Variants in SH2B1 observed in about 807,000 individuals in gnomAD.
The protein encoded by SH2B1 is SH2B adaptor protein 1, also known as SH2B adapter protein 1.
In SH2B1, 15 loss-of-function variants were observed where a neutral mutation model predicts 62.6. The ratio of observed to expected loss-of-function variants is 0.24; its 90% CI spans 0.16 to 0.37. SH2B1 has a LOEUF of 0.37. Among genes scored for constraint, SH2B1 ranks in the 10% least tolerant of loss-of-function variants. SH2B1 has a pLI of 1.00. For synonymous variants in SH2B1, 443 were observed against 438.0 expected, an observed-to-expected ratio of 1.01 and a Z score of -0.14; for missense variants, 925 against 1,015.6, an observed-to-expected ratio of 0.91 and a Z score of 1.21.
Position 28,873,976 on chromosome 16 carries a change from G to A in SH2B1, c.*156G>A, listed in dbSNP as rs1963194458. 2 of 693,344 alleles carry A rather than the reference G, an allele frequency of 2.9e-6. No homozygotes were observed. Among genetic ancestry groups the A allele is most frequent in the Non-Finnish European group, 4.1e-6 (2 of 483,192 alleles). 42.9% of individuals were successfully genotyped at this position (693,344 alleles called of 1,614,324 possible). A position where few individuals can be genotyped will look rare whatever the true frequency, so the allele number is the denominator to read the frequency against. On this transcript the variant is annotated 3_prime_UTR_variant, in exon 8 of 8. Coordinates refer to ENST00000684370, the MANE Select transcript of SH2B1 (RefSeq NM_001387430.1). The surrounding 1 kb of genome is among the most constrained non-coding windows in gnomAD (Gnocchi z 4.2). Reference sequence around the variant, plus strand: ...TGGTACAAGCAGAGGCTCGGGAGAGGCTCCCGTCACACACTACAGGTCCCC... The same window carrying A: ...TGGTACAAGCAGAGGCTCGGGAGAGACTCCCGTCACACACTACAGGTCCCC...
At position 28,872,231 on chromosome 16, in the gene SH2B1, G is replaced by T. The variant is rs764841067; in HGVS notation, c.1555G>T (p.Asp519Tyr). ...GGGGGAGCCAGAGGGCGGTGAGGGG[G>T]ACCAGCCCCTCTCAGGGTATCCTTG... ...FQGEPEGGEG[D>Y]QPLSGYPWFH... Residue 519 changes from aspartate to tyrosine, a missense_variant, in exon 6 of 8, where the codon GAC becomes TAC. Transcript: ENST00000684370. The surrounding 1 kb of genome is among the most constrained non-coding windows in gnomAD (Gnocchi z 5.3). 3 of 1,613,784 alleles carry T rather than the reference G, an allele frequency of 1.9e-6. No homozygotes were observed. In the African/African-American group the frequency reaches 4.0e-5, roughly 22 times the overall value.
At chr16:28,850,703 C>CA (rs1962075844) in intron 1 of SH2B1, among the ~76,000 whole-genome samples, 1 of 150,982 alleles carries the variant, frequency 6.6e-6, no homozygotes, top group African/African-American at 2.4e-5. Flanking sequence ...ACTAAAAATA[C>CA]AAAAAATTAG....
Position 28,873,691 on chromosome 16 carries a change from C to T in SH2B1, c.2142C>T (p.Ala714=). Residue 714 remains alanine, a synonymous_variant, in exon 8 of 8, where the codon GCC becomes GCT. Coordinates refer to ENST00000684370, the MANE Select transcript of SH2B1 (RefSeq NM_001387430.1). This position sits in a 1 kb window ranked among gnomAD's most constrained non-coding sequence, Gnocchi z 4.2. The stretch of plus-strand genomic sequence containing the variant: ...AGGCCATAGCCCCAGGCTCAGAGGC[C>T]CAGGGCGCTGGGTCTGGTGGGGACG... ...LEEAIAPGSE[A]QGAGSGGDAG... is the part of the protein sequence containing the mutation. 1 of 1,517,116 alleles carries T rather than the reference C, an allele frequency of 6.6e-7. No individual in the cohort carries two copies. Among genetic ancestry groups the T allele is most frequent in the Non-Finnish European group, 8.9e-7 (1 of 1,129,696 alleles). The allele number at this position is 1,517,116 out of a possible 1,614,324, so 94.0% of individuals were successfully genotyped here.
chr16:28,873,069 G>C lies in SH2B1; in HGVS notation c.1897+364G>C. 1 of 832,048 alleles carries C rather than the reference G, an allele frequency of 1.2e-6. No homozygotes were observed. Among genetic ancestry groups the C allele is most frequent in the Non-Finnish European group, 1.8e-6 (1 of 542,432 alleles). 51.5% of individuals were successfully genotyped at this position (832,048 alleles called of 1,614,324 possible). A position where few individuals can be genotyped will look rare whatever the true frequency, so the allele number is the denominator to read the frequency against. ...TGCCCTTCCCGGGGACACTCGGTCTGATCCCCTTCCCTCCTCCCTCAATGT... is the reference window on the plus strand; with the variant it reads ...TGCCCTTCCCGGGGACACTCGGTCTCATCCCCTTCCCTCCTCCCTCAATGT... On this transcript the variant is annotated intron_variant, in intron 7 of 7. Transcript: ENST00000684370. This position sits in a 1 kb window ranked among gnomAD's most constrained non-coding sequence, Gnocchi z 4.2.
upstream of SH2B1, chr16:28,862,652 G>A (rs1256927352): frequency 2.5e-5 from 3 of 120,102 alleles, no homozygotes; most frequent in African/African-American, 9.6e-5. Context: ...GTCTAGCTCT[G>A]TTGCCCGCGC....
intron 1 of SH2B1, among the ~76,000 whole-genome samples, chr16:28,857,280 C>CAA (rs35671502): frequency 9.2e-6 from 1 of 108,556 alleles, no homozygotes; most frequent in Non-Finnish European, 1.9e-5. Flanking sequence ...GACTCTGTCT[C>CAA]AAAAAAAAAA....
intron 1 of SH2B1, among the ~76,000 whole-genome samples, chr16:28,851,460 T>C (rs1162765926): frequency 1.7e-5 from 1 of 59,456 alleles, no homozygotes; most frequent in Non-Finnish European, 4.6e-5. Flanking sequence ...GCCTTTCTTC[T>C]TTTTTTTTTT....
chr16:28,854,898 CAG>C (rs1234485162), intron 1 of SH2B1, among the ~76,000 whole-genome samples: 1 of 152,182 alleles, frequency 6.6e-6, no homozygotes, highest in East Asian at 1.9e-4. Flanking sequence ...TGTTTTGAGA[CAG>C]AGTCTCGTTC....
Position 28,872,472 on chromosome 16 carries a change from G to A in SH2B1, c.1726-62G>A. 1 of 1,574,594 alleles carries A rather than the reference G, an allele frequency of 6.4e-7. No individual in the cohort carries two copies. The highest frequency in any genetic ancestry group is 1.2e-5 in the South Asian group (1 of 84,110). On this transcript the variant is annotated intron_variant, in intron 6 of 7. Coordinates refer to ENST00000684370, the MANE Select transcript of SH2B1 (RefSeq NM_001387430.1). This position sits in a 1 kb window ranked among gnomAD's most constrained non-coding sequence, Gnocchi z 5.3. Reference sequence around the variant, plus strand: ...GTGGGGTGGGGGAGCACTGCCGGGGGAGGGGGTTTGTACCTGGCAGGGCCT... The same window carrying A: ...GTGGGGTGGGGGAGCACTGCCGGGGAAGGGGGTTTGTACCTGGCAGGGCCT...
rs887796961 is a variant in SH2B1, at chr16:28,867,492, C to G, written c.1041+60C>G. On this transcript the variant is annotated intron_variant, in intron 2 of 7. Coordinates refer to ENST00000684370, the MANE Select transcript of SH2B1 (RefSeq NM_001387430.1). ...TGTGTTAAGGAGAAAGCCCTCAGCG[C>G]ATTTAAGCAAGTGGCGTCGCCGAAA... The G allele has an allele frequency of 2.3e-6, 3 of 1,326,954 alleles. No individual in the cohort carries two copies. In the East Asian group the frequency reaches 6.9e-5, roughly 30 times the overall value. The allele number at this position is 1,326,954 out of a possible 1,614,324, so 82.2% of individuals were successfully genotyped here. A position where few individuals can be genotyped will look rare whatever the true frequency, so the allele number is the denominator to read the frequency against.
intron 1 of SH2B1, among the ~76,000 whole-genome samples, chr16:28,852,277 TATATATATTTAC>T (rs1567458146): frequency 9.5e-5 from 5 of 52,586 alleles, no homozygotes; most frequent in Admixed American, 3.3e-4. Flanking sequence ...TATATTTACA[TATATATATTTAC>T]ATATATATAT....
intron 1 of SH2B1, among the ~76,000 whole-genome samples, chr16:28,847,437 T>C (rs538109887): frequency 1.3e-3 from 196 of 152,230 alleles, no homozygotes; most frequent in African/African-American, 4.5e-3. Context: ...TTCAAATAGA[T>C]TCCCTAATTC....
upstream of SH2B1, among the ~76,000 whole-genome samples, chr16:28,859,824 T>C (rs1486428492): frequency 6.6e-6 from 1 of 151,650 alleles, no homozygotes; most frequent in Non-Finnish European, 1.5e-5. Context: ...CAGCCATGCC[T>C]GAAGTCATCC....
At position 28,866,528 on chromosome 16, in the gene SH2B1, C is replaced by G; in HGVS notation, c.434C>G (p.Ser145Cys). The G allele has an allele frequency of 6.2e-7, 1 of 1,614,088 alleles. No individual in the cohort carries two copies. Among genetic ancestry groups the G allele is most frequent in the Non-Finnish European group, 8.5e-7 (1 of 1,180,014 alleles). Residue 145 changes from serine to cysteine, a missense_variant, in exon 1 of 8, where the codon TCC (serine) becomes TGC (cysteine). Ser to Cys is a moderately radical substitution (Grantham distance 112). Around this residue, in one of 3 missense-constraint regions of SH2B1, gnomAD observed 683 missense variants for 704.0 expected, o/e 0.97. Transcript: ENST00000684370. The surrounding 1 kb of genome is among the most constrained non-coding windows in gnomAD (Gnocchi z 6.3). ...SSVSSSSTTS[S>C]KPKLKKRFSL... The stretch of plus-strand genomic sequence containing the variant: ...GTCTCTTCCTCCTCTACAACCTCCT[C>G]CAAGCCGAAGCTCAAGAAGCGCTTT...
rs1163449719 is a variant in SH2B1, at chr16:28,869,015, C to T, written c.1051C>T (p.Pro351Ser). The change falls in exon 3 of 8, where the codon CCA becomes TCA. Residue 351 changes from proline to serine, a missense_variant. Around this residue, in one of 3 missense-constraint regions of SH2B1, gnomAD observed 683 missense variants for 704.0 expected, o/e 0.97. Coordinates refer to ENST00000684370, the MANE Select transcript of SH2B1 (RefSeq NM_001387430.1). ...ENTFVVKVEGPSEYIMETVDA... is the reference protein window; with the variant it reads ...ENTFVVKVEGSSEYIMETVDA... ...CGTCTCATCTCTGTAGGTGGAAGGT[C>T]CATCCGAGTATATCATGGAGACAGT... is the stretch of plus-strand genomic sequence containing the variant. 6.2e-7 allele frequency: 1 copy of T among 1,613,830 alleles called. No homozygotes were observed. The highest frequency in any genetic ancestry group is 1.3e-5 in the African/African-American group (1 of 74,900).
chr16:28,872,088 T>C lies in SH2B1; in HGVS notation c.1514-102T>C, dbSNP rs1963075974. The C allele has an allele frequency of 1.5e-6, 2 of 1,367,366 alleles. No homozygotes were observed. Among genetic ancestry groups the C allele is most frequent in the African/African-American group, 2.9e-5 (2 of 68,968 alleles). 84.7% of individuals were successfully genotyped at this position (1,367,366 alleles called of 1,614,324 possible). A position where few individuals can be genotyped will look rare whatever the true frequency, so the allele number is the denominator to read the frequency against. ...CTGGCCCAGGGGAGTTGGGGACGCATGTGGGGAGCAGGCGCCTTGAGGGGA... is the reference window on the plus strand; with the variant it reads ...CTGGCCCAGGGGAGTTGGGGACGCACGTGGGGAGCAGGCGCCTTGAGGGGA... On this transcript the variant is annotated intron_variant, in intron 5 of 7. Transcript: ENST00000684370. The surrounding 1 kb of genome is among the most constrained non-coding windows in gnomAD (Gnocchi z 5.3).
In SH2B1 at chr16:28,867,194, G is replaced by A; in HGVS notation, c.940-137G>A. The A allele has an allele frequency of 2.4e-6, 3 of 1,231,926 alleles. No individual in the cohort carries two copies. In the Admixed American group the frequency reaches 5.3e-5, roughly 22 times the overall value. 76.3% of individuals were successfully genotyped at this position (1,231,926 alleles called of 1,614,324 possible). A position where few individuals can be genotyped will look rare whatever the true frequency, so the allele number is the denominator to read the frequency against. Reference sequence around the variant, plus strand: ...CTTGGCTCTGTGTTAGCAGCTGCGGGCAGGACTGAGAAAGCAGTGTGACTG... The same window carrying A: ...CTTGGCTCTGTGTTAGCAGCTGCGGACAGGACTGAGAAAGCAGTGTGACTG... On this transcript the variant is annotated intron_variant, in intron 1 of 7. Transcript: ENST00000684370.
rs745614421 is a variant in SH2B1 at position 28,873,519 on chromosome 16, C to T, written c.1970C>T (p.Ala657Val). Reference sequence around the variant, plus strand: ...TGGACAGATCCCCCACAGCCTGGGGCAGAAGAGGCGTCGAGGGCGCCAGAA... The same window carrying T: ...TGGACAGATCCCCCACAGCCTGGGGTAGAAGAGGCGTCGAGGGCGCCAGAA... ...PSWTDPPQPG[A>V]EEASRAPEVA... Residue 657 changes from alanine to valine, a missense_variant, in exon 8 of 8, where the codon GCA becomes GTA. Ala to Val is a moderately conservative substitution (Grantham distance 64). Coordinates refer to ENST00000684370, the MANE Select transcript of SH2B1 (RefSeq NM_001387430.1). This position sits in a 1 kb window ranked among gnomAD's most constrained non-coding sequence, Gnocchi z 4.2. The T allele has an allele frequency of 9.4e-6, 15 of 1,600,852 alleles. No homozygotes were observed. The highest frequency in any genetic ancestry group is 1.7e-6 in the Non-Finnish European group (2 of 1,174,846).
In SH2B1 at chr16:28,873,987, A is replaced by G; in HGVS notation, c.*167A>G. 1.7e-6 allele frequency: 1 copy of G among 590,256 alleles called. No individual in the cohort carries two copies. The highest frequency in any genetic ancestry group is 2.6e-6 in the Non-Finnish European group (1 of 390,124). The allele number at this position is 590,256 out of a possible 1,614,324, so 36.6% of individuals were successfully genotyped here. ...GAGGCTCGGGAGAGGCTCCCGTCAC[A>G]CACTACAGGTCCCCTCCCCAGGGCA... On this transcript the variant is annotated 3_prime_UTR_variant, in exon 8 of 8. Transcript: ENST00000684370. The surrounding 1 kb of genome is among the most constrained non-coding windows in gnomAD (Gnocchi z 4.2).
Sources: allele counts gnomAD v4.1 joint callset (sites outside exome capture counted in the v4.1 genomes callset), GRCh38; gene constraint gnomAD v4.1.1; regional missense constraint gnomAD v4.1.1; non-coding constraint Gnocchi (gnomAD v3.1); transcripts MANE v1.5; gene names NCBI Gene and HGNC (gene_info 2026-07-23, HGNC 2026-07-21).